COL14A1: variants seen among roughly 807,000 people sequenced by gnomAD.
The protein encoded by COL14A1 is collagen alpha-1(XIV) chain.
In COL14A1, 136 loss-of-function variants were observed where a neutral mutation model predicts 230.3. The observed-to-expected ratio is 0.59, with a 90% CI of 0.51 to 0.68. The LOEUF (loss-of-function observed/expected upper bound fraction) is 0.68. Among genes scored for constraint, COL14A1 ranks in the 30% least tolerant of loss-of-function variants. COL14A1 has a pLI of 0.00. For missense variants in COL14A1, 1,976 were observed against 2,215.8 expected, an observed-to-expected ratio of 0.89 and a Z score of 2.17; for synonymous variants, 792 against 784.1, an observed-to-expected ratio of 1.01 and a Z score of -0.17.
chr8:120,134,900 G>A (rs1180639416), intron 1 of COL14A1, among the ~76,000 whole-genome samples: 8 of 152,146 alleles, frequency 5.3e-5, no homozygotes, highest in Non-Finnish European at 1.0e-4. Flanking sequence ...GCTTGAACCT[G>A]GGAGGTGGAA....
chr8:120,340,816 A>G, intron 42 of COL14A1, among the ~76,000 whole-genome samples: 1 of 152,238 alleles, frequency 6.6e-6, no homozygotes, highest in Non-Finnish European at 1.5e-5. Flanking sequence ...CGTGCTGCAC[A>G]GAAATCAGAG....
intron 3 of COL14A1, 51 bp from the exon 4 acceptor site, chr8:120,162,375 C>T (rs550456617): frequency 1.4e-6 from 2 of 1,480,398 alleles, no homozygotes; most frequent in East Asian, 2.3e-5. Context: ...TCTTAATGTA[C>T]ACAGTGGACC....
intron 2 of COL14A1, among the ~76,000 whole-genome samples, chr8:120,150,036 T>C (rs1399602833): frequency 2.0e-5 from 3 of 152,192 alleles, no homozygotes; most frequent in Non-Finnish European, 4.4e-5. Flanking sequence ...GCATATTCTA[T>C]GTGTCAAGTT....
At chr8:120,224,030 T>A (rs1818015741) in intron 14 of COL14A1, among the ~76,000 whole-genome samples, 1 of 131,304 alleles carries the variant, frequency 7.6e-6, no homozygotes, top group Admixed American at 7.9e-5. Context: ...CTCCTTTTTT[T>A]TTTTTTTTTT....
At chr8:120,350,516 G>T (rs1487865849) in intron 45 of COL14A1, among the ~76,000 whole-genome samples, 1 of 150,710 alleles carries the variant, frequency 6.6e-6, no homozygotes, top group Non-Finnish European at 1.5e-5. Context: ...GACATACATA[G>T]GCTCAAAATA....
chr8:120,237,719 T>C (rs1435583424), intron 19 of COL14A1, among the ~76,000 whole-genome samples: 5 of 152,196 alleles, frequency 3.3e-5, no homozygotes, highest in Non-Finnish European at 7.3e-5. Flanking sequence ...TTCAGCCTTT[T>C]TATGTTGGTT....
chr8:120,139,013 C>G (rs562266429), intron 1 of COL14A1, among the ~76,000 whole-genome samples: 15 of 152,306 alleles, frequency 9.8e-5, no homozygotes, highest in African/African-American at 2.9e-4. Flanking sequence ...TTGATAACAT[C>G]TCTTATGAGT....
chr8:120,345,626 A>C, intron 45 of COL14A1, 63 bp downstream of exon 45: 7 of 1,318,566 alleles, frequency 5.3e-6, no homozygotes, highest in Non-Finnish European at 7.0e-6. Flanking sequence ...GCAGAACATT[A>C]TAGTGGTTCT....
chr8:120,320,082 T>G (rs141387174), intron 40 of COL14A1, among the ~76,000 whole-genome samples: 2 of 151,878 alleles, frequency 1.3e-5, no homozygotes, highest in African/African-American at 4.9e-5. Context: ...ATCAGGGTGG[T>G]CCTCAGGAAA....
chr8:120,329,280 T>C (rs1300289630), intron 40 of COL14A1, among the ~76,000 whole-genome samples: 2 of 152,102 alleles, frequency 1.3e-5, no homozygotes, highest in African/African-American at 2.4e-5. Context: ...TGTTTGCCCT[T>C]CTTCTTGGAC....
chr8:120,370,373 A>G, intron 47 of COL14A1: 1 of 1,611,832 alleles, frequency 6.2e-7, no homozygotes, highest in Non-Finnish European at 8.5e-7. Context: ...ACTGAAGTGG[A>G]AATCCTCCAC....
intron 4 of COL14A1, among the ~76,000 whole-genome samples, chr8:120,166,416 C>G (rs1815875378): frequency 6.6e-6 from 1 of 152,044 alleles, no homozygotes; most frequent in Admixed American, 6.5e-5. Flanking sequence ...AAAATTTTTT[C>G]TCTTTTAAAT....
At position 120,371,135 on chromosome 8, in the gene COL14A1, C is replaced by T; in HGVS notation, c.5312-17C>T. ...TCCTGGGTGCAGCAAGTCCCCACCC[C>T]CACTTTTCCTCTTTAGCTCCCCATC... is the stretch of plus-strand genomic sequence containing the variant. On this transcript the variant is annotated splice_polypyrimidine_tract_variant and intron_variant, in intron 47 of 47. Coordinates refer to ENST00000297848, the MANE Select transcript of COL14A1 (RefSeq NM_021110.4). 1 of 1,591,666 alleles carries T rather than the reference C, an allele frequency of 6.3e-7. No individual in the cohort carries two copies. The highest frequency in any genetic ancestry group is 8.5e-7 in the Non-Finnish European group (1 of 1,171,436).
rs1000511991 is a variant in COL14A1 at position 120,278,635 on chromosome 8, A to G, written c.3481+57A>G. ...TATGATGTTAGAATTGTTATTTTCTAAATACAAATTTATAGGCTATATCAG... is the reference window on the plus strand; with the variant it reads ...TATGATGTTAGAATTGTTATTTTCTGAATACAAATTTATAGGCTATATCAG... On this transcript the variant is annotated intron_variant, in intron 28 of 47. Transcript: ENST00000297848. 5.2e-6 allele frequency: 8 copies of G among 1,538,000 alleles called. No homozygotes were observed. In the African/African-American group the frequency reaches 1.1e-4, roughly 21 times the overall value.
intron 33 of COL14A1, among the ~76,000 whole-genome samples, chr8:120,289,189 G>A (rs1820295295): frequency 1.3e-5 from 2 of 152,108 alleles, no homozygotes; most frequent in Admixed American, 1.3e-4. Flanking sequence ...TTTTTGAAGT[G>A]TGGTTTGCCA....
At chr8:120,350,087 T>A (rs1285759088) in intron 45 of COL14A1, among the ~76,000 whole-genome samples, 1 of 150,326 alleles carries the variant, frequency 6.7e-6, no homozygotes, top group Admixed American at 6.6e-5. Context: ...ATATTCAACA[T>A]TCTTAAAGAA....
chr8:120,361,810 CG>C (rs953304113), intron 45 of COL14A1, among the ~76,000 whole-genome samples: 5 of 151,986 alleles, frequency 3.3e-5, no homozygotes, highest in African/African-American at 7.2e-5. Context: ...GTGGTGTGGT[CG>C]GGGGGGCCAT....
At chr8:120,355,661 C>A (rs143624856) in intron 45 of COL14A1, among the ~76,000 whole-genome samples, 1 of 151,968 alleles carries the variant, frequency 6.6e-6, no homozygotes, top group African/African-American at 2.4e-5. Context: ...GACAACCCCC[C>A]CACCCCGCCT....
chr8:120,349,236 A>G (rs924135068), intron 45 of COL14A1, among the ~76,000 whole-genome samples: 4 of 151,016 alleles, frequency 2.6e-5, no homozygotes, highest in African/African-American at 9.8e-5. Context: ...ACCCATCTGT[A>G]CATCACCATC....
Sources: allele counts gnomAD v4.1 joint callset (sites outside exome capture counted in the v4.1 genomes callset), GRCh38; gene constraint gnomAD v4.1.1; transcripts MANE v1.5; gene names NCBI Gene and HGNC (gene_info 2026-07-23, HGNC 2026-07-21).